FAAP100: variants seen among roughly 807,000 people sequenced by gnomAD.
The protein encoded by FAAP100 is FA core complex associated protein 100.
Under a neutral mutation model 65.8 loss-of-function variants are expected in FAAP100, and 46 were observed. That is an observed-to-expected ratio of 0.70 (90% confidence interval 0.55 to 0.89). The LOEUF is 0.89. Ranked by LOEUF, FAAP100 falls within the 40% of genes least tolerant of loss-of-function variation. FAAP100 has a pLI of 0.00. For synonymous variants in FAAP100, 663 were observed against 555.1 expected, an observed-to-expected ratio of 1.19 and a Z score of -2.73; for missense variants, 1,165 against 1,196.7, an observed-to-expected ratio of 0.97 and a Z score of 0.39.
intron 8 of FAAP100, 129 bp downstream of exon 8, chr17:81,541,180 C>CA: frequency 4.2e-6 from 5 of 1,197,172 alleles, no homozygotes; most frequent in Non-Finnish European, 4.7e-6. Context: ...GACTTTGCCC[C>CA]AGGCCCATGG....
intron 3 of FAAP100, 89 bp from the exon 4 acceptor site, chr17:81,549,451 G>A: frequency 3.4e-6 from 5 of 1,471,882 alleles, no homozygotes; most frequent in Non-Finnish European, 3.6e-6. Context: ...CTCCAGGAAA[G>A]AAGTTGGAAG....
chr17:81,551,279 G>C, intron 2 of FAAP100, 76 bp from the exon 3 acceptor site: 3 of 1,390,314 alleles, frequency 2.2e-6, no homozygotes, highest in Non-Finnish European at 2.9e-6. Flanking sequence ...AACCTGGCAT[G>C]GAGTAGTCTG....
In FAAP100 at chr17:81,551,912, G is replaced by T. The variant is rs755733622; in HGVS notation, c.290+16C>A. 25 of 1,536,354 alleles carry T rather than the reference G, an allele frequency of 1.6e-5. No homozygotes were observed. Among genetic ancestry groups the T allele is most frequent in the Non-Finnish European group, 2.1e-5 (24 of 1,150,832 alleles). Reference sequence around the variant, plus strand: ...AGCAGGAGTGTGCGGGAGGGAGGCCGCGGGCCCGCCCTCACCTGCTCCTGC... The same window carrying T: ...AGCAGGAGTGTGCGGGAGGGAGGCCTCGGGCCCGCCCTCACCTGCTCCTGC... On this transcript the variant is annotated intron_variant, in intron 2 of 8. Transcript: ENST00000327787.
intron 4 of FAAP100, chr17:81,548,298 G>T: frequency 2.3e-6 from 1 of 434,024 alleles, no homozygotes; most frequent in Non-Finnish European, 4.2e-6. Flanking sequence ...GAGCAGGGAG[G>T]GTGAGGACTC....
upstream of FAAP100, among the ~76,000 whole-genome samples, chr17:81,552,614 G>A (rs886593617): frequency 1.3e-5 from 2 of 152,222 alleles, no homozygotes; most frequent in Non-Finnish European, 2.9e-5. Flanking sequence ...CATGGCCCCG[G>A]CTGCTGCACG....
chr17:81,551,882 G>A (rs1430981855), intron 2 of FAAP100, 46 bp downstream of exon 2: 1 of 1,504,430 alleles, frequency 6.6e-7, no homozygotes, highest in Admixed American at 2.2e-5. Context: ...AAGCAGTCCG[G>A]GGGCAGCAGG....
At position 81,544,009 on chromosome 17, in the gene FAAP100, T is replaced by A. The variant is rs770373380; in HGVS notation, c.2422A>T (p.Met808Leu). The part of the protein sequence containing the change: ...CRAHHAVVGR[M>L]QTMVTEQATQ... ...TCCCCAGCGGGCCGACATACCTGCA[T>A]GCGCCCGACAACGGCATGGTGCGCC... Residue 808 changes from methionine to leucine, a missense_variant, in exon 7 of 9, where the codon ATG (methionine) becomes TTG (leucine). Met to Leu is a conservative substitution (Grantham distance 15). Transcript: ENST00000327787. 6.2e-7 allele frequency: 1 copy of A among 1,611,552 alleles called. No individual in the cohort carries two copies. Among genetic ancestry groups the A allele is most frequent in the South Asian group, 1.1e-5 (1 of 91,014 alleles).
rs781730251 is a variant in FAAP100, at chr17:81,547,353, G to T, written c.1729C>A (p.Arg577=). The T allele has an allele frequency of 6.2e-7, 1 of 1,612,750 alleles. No homozygotes were observed. The highest frequency in any genetic ancestry group is 1.7e-5 in the Admixed American group (1 of 60,026). Residue 577 remains arginine (R), a synonymous_variant, in exon 5 of 9, where the codon CGG becomes AGG. Transcript: ENST00000327787. The stretch of plus-strand genomic sequence containing the variant: ...CCCAGGGGTAGCGTCACCTCCCGCC[G>T]AGCACCGGGGCCGAGCTGGTCCACG... ...IPVDQLGPGA[R]REVTLPLGPG... is the part of the protein sequence containing the mutation.
At position 81,549,255 on chromosome 17, in the gene FAAP100, C is replaced by T. The variant is rs1364420870; in HGVS notation, c.1354G>A (p.Gly452Ser). ...GACAGCAGCTCCTTTATTTTCTGAC[C>T]TGCACTCTCTGTGGTCATCCTGGCT... ...GPARMTTESAGQKIKELLSGI... is the reference protein window; with the variant it reads ...GPARMTTESASQKIKELLSGI... The change falls in exon 4 of 9, where the codon GGT becomes AGT. Residue 452 changes from glycine to serine, a missense_variant. Transcript: ENST00000327787. 1.9e-6 allele frequency: 3 copies of T among 1,613,138 alleles called. No homozygotes were observed. Among genetic ancestry groups the T allele is most frequent in the Non-Finnish European group, 2.5e-6 (3 of 1,179,994 alleles).
intron 7 of FAAP100, 23 bp from the exon 8 acceptor site, chr17:81,541,418 T>C (rs1301488558): frequency 6.3e-7 from 1 of 1,575,750 alleles, no homozygotes; most frequent in Non-Finnish European, 8.7e-7. Flanking sequence ...GGAGACATGC[T>C]GGAGAGGGTG....
rs146362478 is a variant in FAAP100 at position 81,544,103 on chromosome 17, C to T, written c.2328G>A (p.Leu776=). The T allele has an allele frequency of 1.9e-6, 3 of 1,612,316 alleles. No individual in the cohort carries two copies. Among genetic ancestry groups the T allele is most frequent in the South Asian group, 1.1e-5 (1 of 91,076 alleles). Residue 776 remains leucine (L), a synonymous_variant, in exon 7 of 9, where the codon CTG becomes CTA. Coordinates refer to ENST00000327787, the MANE Select transcript of FAAP100 (RefSeq NM_025161.6). ...LIVREVAMTD[L]CPAGPIQAVE... ...CGGCCTGGATGGGCCCTGCTGGGCA[C>T]AGGTCAGTCATGGCCACCTGCAACA...
At chr17:81,541,273 A>AG (rs2033083892) in intron 8 of FAAP100, 36 bp downstream of exon 8, 2 of 1,575,990 alleles carry the variant, frequency 1.3e-6, no homozygotes, top group Non-Finnish European at 1.7e-6. Flanking sequence ...CTGGCTACCC[A>AG]GGGGAAGGGG....
In FAAP100 at chr17:81,552,156, C is replaced by A; in HGVS notation, c.165+10G>T. The A allele has an allele frequency of 6.7e-7, 1 of 1,490,662 alleles. No individual in the cohort carries two copies. The highest frequency in any genetic ancestry group is 1.3e-5 in the South Asian group (1 of 79,470). 92.3% of individuals were successfully genotyped at this position (1,490,662 alleles called of 1,614,324 possible). On this transcript the variant is annotated intron_variant, in intron 1 of 8. Coordinates refer to ENST00000327787, the MANE Select transcript of FAAP100 (RefSeq NM_025161.6). ...CCCGGTCCCTCCCGCCCCCGCGGGC[C>A]GGCGCTCACGGTCAGCAGCCCGCCC...
intron 2 of FAAP100, among the ~76,000 whole-genome samples, chr17:81,551,538 C>T (rs1330201563): frequency 6.6e-6 from 1 of 152,242 alleles, no homozygotes; most frequent in Non-Finnish European, 1.5e-5. Context: ...CCTGGCTGCC[C>T]GGAGCTCGCT....
chr17:81,552,778 C>G (rs2143972003), upstream of FAAP100, among the ~76,000 whole-genome samples: 1 of 152,232 alleles, frequency 6.6e-6, no homozygotes, highest in East Asian at 1.9e-4. Flanking sequence ...CCGGAGCGCA[C>G]TCCAGCCGGG....
intron 5 of FAAP100, among the ~76,000 whole-genome samples, chr17:81,546,195 C>T (rs546089944): frequency 3.4e-4 from 52 of 152,374 alleles, no homozygotes; most frequent in African/African-American, 9.9e-4. Flanking sequence ...CAGGCAGCTC[C>T]GCCCGGCACT....
At chr17:81,549,496 G>A in intron 3 of FAAP100, 134 bp from the exon 4 acceptor site, 2 of 1,183,486 alleles carry the variant, frequency 1.7e-6, no homozygotes, top group Non-Finnish European at 2.3e-6. Flanking sequence ...GGAAGAGAAA[G>A]TCCCAAGGCA....
chr17:81,552,652 T>C (rs1291853955), upstream of FAAP100, among the ~76,000 whole-genome samples: 1 of 152,176 alleles, frequency 6.6e-6, no homozygotes, highest in Admixed American at 6.5e-5. Context: ...AAGCGGGTCC[T>C]GGCCGAGCAG....
rs113563658 is a variant in FAAP100 at position 81,541,016 on chromosome 17, G to A, written c.2515-66C>T. 10,437 of 1,487,630 alleles carry A rather than the reference G, an allele frequency of 7.0e-3. 479 individuals are homozygous for A. The African/African-American group carries it at 0.12, about 17-fold the overall frequency. 92.2% of individuals were successfully genotyped at this position (1,487,630 alleles called of 1,614,324 possible). A position where few individuals can be genotyped will look rare whatever the true frequency, so the allele number is the denominator to read the frequency against. On this transcript the variant is annotated intron_variant, in intron 8 of 8. Coordinates refer to ENST00000327787, the MANE Select transcript of FAAP100 (RefSeq NM_025161.6). ...CCTGGGGATGTCACTGGGTACCTCT[G>A]GGGGACCCACCACTCGCAGGACCCT...
Sources: allele counts gnomAD v4.1 joint callset (sites outside exome capture counted in the v4.1 genomes callset), GRCh38; gene constraint gnomAD v4.1.1; transcripts MANE v1.5; gene names NCBI Gene and HGNC (gene_info 2026-07-23, HGNC 2026-07-21).